Variants in IMMT observed in about 807,000 individuals in gnomAD.
IMMT encodes MICOS complex subunit MIC60.
Under a neutral mutation model 92.7 loss-of-function variants are expected in IMMT, and 40 were observed. The observed-to-expected ratio is 0.43, with a 90% CI of 0.34 to 0.56. The LOEUF is 0.56. Among genes scored for constraint, IMMT ranks in the 20% least tolerant of loss-of-function variants. IMMT has a pLI of 0.03. For synonymous variants in IMMT, 322 were observed against 336.1 expected, an observed-to-expected ratio of 0.96 and a Z score of 0.46; for missense variants, 831 against 912.1, an observed-to-expected ratio of 0.91 and a Z score of 1.14.
chr2:86,163,404 A>C (rs1676429778), intron 7 of IMMT, among the ~76,000 whole-genome samples: 1 of 152,234 alleles, frequency 6.6e-6, no homozygotes, highest in Non-Finnish European at 1.5e-5. Context: ...GAGCACAGAT[A>C]ATATTCAAGA....
chr2:86,148,573 C>CAT (rs1675221974), intron 12 of IMMT, among the ~76,000 whole-genome samples: 2 of 152,150 alleles, frequency 1.3e-5, no homozygotes, highest in Non-Finnish European at 2.9e-5. Flanking sequence ...GATTGCGCTG[C>CAT]TGCACTCCAG....
intron 6 of IMMT, among the ~76,000 whole-genome samples, chr2:86,168,310 G>A (rs6729732): frequency 0.46 from 69,909 of 152,046 alleles, 16,619 homozygotes; most frequent in Non-Finnish European, 0.51. Context: ...GAAGAAAGGC[G>A]GCTAGTAAGA....
Position 86,153,561 on chromosome 2 carries a change from T to G in IMMT, c.1176A>C (p.Leu392Phe). Residue 392 changes from leucine (L) to phenylalanine (F), a missense_variant and splice_region_variant, in exon 11 of 15, where the codon TTA becomes TTC. Transcript: ENST00000410111. ...PGWKGMSVSD[L>F]ADKLSTDDLN... ...ACATGAAATATACATAACACTCACC[T>G]AAGTCTGAAACACCTACAAAGGAAA... 6.8e-7 allele frequency: 1 copy of G among 1,479,522 alleles called. No homozygotes were observed. The highest frequency in any genetic ancestry group is 9.1e-7 in the Non-Finnish European group (1 of 1,095,458). The allele number at this position is 1,479,522 out of a possible 1,614,324, so 91.6% of individuals were successfully genotyped here. A position where few individuals can be genotyped will look rare whatever the true frequency, so the allele number is the denominator to read the frequency against.
At chr2:86,179,334 C>T (rs552929688) in intron 3 of IMMT, 99 bp downstream of exon 3, 1 of 1,020,020 alleles carries the variant, frequency 9.8e-7, no homozygotes, top group Admixed American at 3.1e-5. Context: ...TGAACCTCTC[C>T]TTCAAGAATA....
chr2:86,162,338 G>GTTTTTTTTTTTTTTTTTT (rs1346343442), intron 7 of IMMT, among the ~76,000 whole-genome samples: 21 of 113,718 alleles, frequency 1.8e-4, no homozygotes, highest in African/African-American at 6.5e-4. Flanking sequence ...TCTAAGGAGA[G>GTTTTTTTTTTTTTTTTTT]TTGTTTTTTT....
At chr2:86,187,631 C>T (rs1350818390) in intron 1 of IMMT, among the ~76,000 whole-genome samples, 1 of 152,134 alleles carries the variant, frequency 6.6e-6, no homozygotes, top group East Asian at 1.9e-4. Context: ...TGAGACACAG[C>T]CAGGCTCAGT....
At chr2:86,181,410 AG>A (rs762990047) in intron 1 of IMMT, 38 bp from the exon 2 acceptor site, 11 of 1,427,648 alleles carry the variant, frequency 7.7e-6, no homozygotes, top group Non-Finnish European at 9.9e-6. Context: ...ATACAGTTAA[AG>A]GAAACTGGTA....
chr2:86,186,636 A>C (rs1672791476), intron 1 of IMMT, among the ~76,000 whole-genome samples: 1 of 152,194 alleles, frequency 6.6e-6, no homozygotes, highest in African/African-American at 2.4e-5. Context: ...GTCCCTGCTG[A>C]GGTGTCAGCT....
intron 11 of IMMT, among the ~76,000 whole-genome samples, chr2:86,152,072 A>T (rs1231602550): frequency 6.6e-6 from 1 of 152,210 alleles, no homozygotes; most frequent in Non-Finnish European, 1.5e-5. Context: ...AAAGATTCTC[A>T]TCTAGGCTTA....
chr2:86,195,292 T>C, intron 1 of IMMT, 46 bp downstream of exon 1: 2 of 1,507,586 alleles, frequency 1.3e-6, no homozygotes, highest in Non-Finnish European at 1.8e-6. Context: ...TCGCTGACGG[T>C]TCTAGTTCAG....
chr2:86,182,654 T>C (rs1672507804), intron 1 of IMMT, among the ~76,000 whole-genome samples: 1 of 152,142 alleles, frequency 6.6e-6, no homozygotes. Context: ...GAACCAGCCT[T>C]GGCAACATGG....
chr2:86,155,501 G>C (rs1321365494), intron 10 of IMMT, among the ~76,000 whole-genome samples: 1 of 152,164 alleles, frequency 6.6e-6, no homozygotes, highest in Non-Finnish European at 1.5e-5. Context: ...TTGTAAGGCT[G>C]TTATGAATTT....
intron 1 of IMMT, among the ~76,000 whole-genome samples, chr2:86,186,779 ACT>A (rs890701499): frequency 3.3e-5 from 5 of 152,246 alleles, no homozygotes; most frequent in African/African-American, 1.2e-4. Flanking sequence ...GGCAATAAAT[ACT>A]GTTATTTTAC....
intron 13 of IMMT, among the ~76,000 whole-genome samples, chr2:86,147,228 G>A (rs1363698591): frequency 6.6e-6 from 1 of 152,028 alleles, no homozygotes; most frequent in African/African-American, 2.4e-5. Flanking sequence ...CATACATCGC[G>A]ATTCTCTGGA....
In IMMT at chr2:86,194,587, G is replaced by A. The variant is rs576968127; in HGVS notation, c.45+751C>T. ...CAACTTCCTGAAAATCATGAGCAGT[G>A]GAAACAGGCTTTTTAATTTTCAATT... On this transcript the variant is annotated intron_variant, in intron 1 of 14. Coordinates refer to ENST00000410111, the MANE Select transcript of IMMT (RefSeq NM_006839.3). Among the ~76,000 whole-genome samples, 121 of 152,258 alleles carry A rather than the reference G, an allele frequency of 7.9e-4. 1 individual carries two copies. The highest frequency in any genetic ancestry group is 2.9e-3 in the African/African-American group (119 of 41,530).
chr2:86,146,114 T>C lies in IMMT; in HGVS notation c.1617A>G (p.Ile539Met). The C allele has an allele frequency of 6.2e-7, 1 of 1,609,268 alleles. No individual in the cohort carries two copies. Among genetic ancestry groups the C allele is most frequent in the South Asian group, 1.1e-5 (1 of 90,448 alleles). ...QEQVDNFTLD[I>M]NTAYARLRGI... ...CTCTGAGTCTGGCATAGGCAGTATT[T>C]ATATCCAGAGTAAAGTTGTCAACTT... The change falls in exon 14 of 15, where the codon ATA becomes ATG. Residue 539 changes from isoleucine (I) to methionine (M), a missense_variant. Ile to Met is a conservative substitution (Grantham distance 10). Transcript: ENST00000410111.
rs370484579 is a variant in IMMT at position 86,167,446 on chromosome 2, T to G, written c.656-802A>C. ...CCCTGGACTCCCAAAGTGCTGGGAT[T>G]ACAGGCGTGAGCCACCGTGCCCGGT... On this transcript the variant is annotated intron_variant, in intron 6 of 14. Coordinates refer to ENST00000410111, the MANE Select transcript of IMMT (RefSeq NM_006839.3). Among the ~76,000 whole-genome samples, 28 of 151,418 alleles carry G rather than the reference T, an allele frequency of 1.8e-4. No homozygotes were observed. In the East Asian group the frequency reaches 3.8e-3, roughly 20 times the overall value.
intron 3 of IMMT, among the ~76,000 whole-genome samples, chr2:86,174,127 T>A (rs1454091015): frequency 5.9e-5 from 9 of 152,240 alleles, no homozygotes; most frequent in African/African-American, 2.2e-4. Flanking sequence ...TCTGTATACA[T>A]TCAGTTAGAA....
rs779931281 is a variant in IMMT, at chr2:86,144,780, T to C, written c.1765A>G (p.Thr589Ala). 5 of 1,613,300 alleles carry C rather than the reference T, an allele frequency of 3.1e-6. No homozygotes were observed. Among genetic ancestry groups the C allele is most frequent in the African/African-American group, 1.3e-5 (1 of 74,894 alleles). ...TCAACTGCACTACCCAGCGGGATAG[T>C]AGGTGTTTCTGCAGATGAGGTCTTC... is the stretch of plus-strand genomic sequence containing the variant. ...SMKTSSAETPTIPLGSAVEAI... is the reference protein window; with the variant it reads ...SMKTSSAETPAIPLGSAVEAI... Residue 589 changes from threonine to alanine, a missense_variant, in exon 15 of 15, where the codon ACT becomes GCT. Thr to Ala is a moderately conservative substitution (Grantham distance 58, BLOSUM62 0). Transcript: ENST00000410111.
Sources: gnomAD v4.1 joint callset for allele counts (sites outside exome capture counted in the v4.1 genomes callset) on GRCh38, gnomAD v4.1.1 for gene constraint, MANE v1.5 for transcripts, NCBI Gene and HGNC (gene_info 2026-07-23, HGNC 2026-07-21) for gene names.